Variants in XRN2 observed in about 807,000 individuals in gnomAD.
XRN2 encodes DHM1-like protein.
A neutral mutation model predicts 138.5 loss-of-function variants in XRN2; 44 were observed. That is an observed-to-expected ratio of 0.32 (90% CI 0.25 to 0.41). XRN2 has a LOEUF of 0.41. Ranked by LOEUF, XRN2 falls within the 10% of genes least tolerant of loss-of-function variation. The pLI, the probability that XRN2 is intolerant of heterozygous loss-of-function variation, is 1.00. For synonymous variants in XRN2, 354 were observed against 369.4 expected, an observed-to-expected ratio of 0.96 and a Z score of 0.48; for missense variants, 937 against 1,169.3, an observed-to-expected ratio of 0.80 and a Z score of 2.90.
intron 17 of XRN2, 41 bp from the exon 18 acceptor site, chr20:21,348,105 A>T (rs375728101): frequency 1.3e-6 from 2 of 1,550,964 alleles, no homozygotes; most frequent in African/African-American, 2.8e-5. Flanking sequence ...CATCATTAAC[A>T]TAGGTTTTTG....
chr20:21,315,546 G>T (rs1262715970), intron 1 of XRN2, among the ~76,000 whole-genome samples: 1 of 152,094 alleles, frequency 6.6e-6, no homozygotes, highest in Non-Finnish European at 1.5e-5. Flanking sequence ...GGGCTGGAGG[G>T]CAGTGGCACA....
intron 24 of XRN2, among the ~76,000 whole-genome samples, chr20:21,364,246 T>A (rs939258951): frequency 1.1e-4 from 16 of 152,160 alleles, no homozygotes; most frequent in Admixed American, 8.5e-4. Flanking sequence ...AAGGACTAGT[T>A]TTTTTAACCA....
At chr20:21,329,108 C>T (rs923482417) in intron 4 of XRN2, among the ~76,000 whole-genome samples, 15 of 152,038 alleles carry the variant, frequency 9.9e-5, no homozygotes, top group Admixed American at 9.2e-4. Flanking sequence ...CTGAGGAAGC[C>T]GGAGGTGATT....
At chr20:21,312,297 T>A (rs914056453) in intron 1 of XRN2, among the ~76,000 whole-genome samples, 1 of 151,046 alleles carries the variant, frequency 6.6e-6, no homozygotes, top group African/African-American at 2.4e-5. Context: ...TATTTATTTA[T>A]TTTTTTTTAG....
intron 15 of XRN2, among the ~76,000 whole-genome samples, chr20:21,342,615 T>C (rs2038386423): frequency 6.6e-6 from 1 of 152,234 alleles, no homozygotes; most frequent in African/African-American, 2.4e-5. Context: ...TTAATACAAA[T>C]GGATTAGTGT....
chr20:21,305,548 G>A (rs1277027435), intron 1 of XRN2, among the ~76,000 whole-genome samples: 1 of 38,260 alleles, frequency 2.6e-5, no homozygotes, highest in African/African-American at 5.4e-5. Flanking sequence ...GCCACCATAC[G>A]TGGCCTTTTT....
At chr20:21,384,793 A>G (rs7275161) in intron 28 of XRN2, among the ~76,000 whole-genome samples, 6 of 152,104 alleles carry the variant, frequency 3.9e-5, no homozygotes, top group Non-Finnish European at 5.9e-5. Flanking sequence ...TGCCTGGCCT[A>G]ATTGCTAATT....
intron 29 of XRN2, 113 bp from the exon 30 acceptor site, chr20:21,389,160 C>T (rs2038963935): frequency 9.5e-6 from 9 of 947,004 alleles, no homozygotes; most frequent in South Asian, 8.7e-5. Flanking sequence ...TGTGCTGTAC[C>T]TTTAACACAT....
rs371436585 is a variant in XRN2, at chr20:21,348,406, A to G, written c.1839A>G (p.Ser613=). 14 of 1,614,026 alleles carry G rather than the reference A, an allele frequency of 8.7e-6. No homozygotes were observed. The highest frequency in any genetic ancestry group is 8.3e-5 in the Admixed American group (5 of 60,006). The stretch of plus-strand genomic sequence containing the variant: ...CAAGTGGTAATTTTCTACCTCCATC[A>G]TGGCGGAAGCTCATGAGTGATCCTG... The part of the protein sequence containing the change: ...PAASGNFLPP[S]WRKLMSDPDS... Residue 613 remains serine (S), a synonymous_variant, in exon 19 of 30, where the codon TCA becomes TCG. Coordinates refer to ENST00000377191, the MANE Select transcript of XRN2 (RefSeq NM_012255.5).
chr20:21,341,693 G>A (rs2038374169), intron 15 of XRN2, among the ~76,000 whole-genome samples: 1 of 152,150 alleles, frequency 6.6e-6, no homozygotes, highest in Non-Finnish European at 1.5e-5. Flanking sequence ...GAATAAGCTT[G>A]GATATTTAAT....
intron 15 of XRN2, among the ~76,000 whole-genome samples, chr20:21,341,294 C>T (rs2038369227): frequency 6.6e-6 from 1 of 152,144 alleles, no homozygotes; most frequent in Non-Finnish European, 1.5e-5. Flanking sequence ...CCCTTATTTC[C>T]CCTTTCCTTC....
Position 21,305,700 on chromosome 20 carries a change from C to T in XRN2, c.75+2227C>T, listed in dbSNP as rs1246637767. On this transcript the variant is annotated intron_variant, in intron 1 of 29. Transcript: ENST00000377191. ...TACAGGTGTGAGCCACGGCGCCCGG[C>T]CCATCTTTCTTCCTTTAAATCGTTT... 5.7e-5 allele frequency among the ~76,000 whole-genome samples: 4 copies of T among 70,082 alleles called. 2 individuals are homozygous for T. In the East Asian group the frequency reaches 2.9e-3, roughly 50 times the overall value. The allele number at this position is 70,082 out of a possible 152,430, so 46.0% of individuals were successfully genotyped here.
At chr20:21,364,063 C>T (rs2038667181) in intron 24 of XRN2, among the ~76,000 whole-genome samples, 1 of 152,132 alleles carries the variant, frequency 6.6e-6, no homozygotes, top group Non-Finnish European at 1.5e-5. Flanking sequence ...TCCCGAGTAG[C>T]TGGGACTACA....
At chr20:21,373,809 T>G (rs953528480) in intron 27 of XRN2, among the ~76,000 whole-genome samples, 1 of 152,180 alleles carries the variant, frequency 6.6e-6, no homozygotes, top group Non-Finnish European at 1.5e-5. Context: ...GTTTGTGTGG[T>G]TTTTTTAAAT....
chr20:21,319,471 A>G (rs1251614364), intron 1 of XRN2, among the ~76,000 whole-genome samples: 6 of 151,998 alleles, frequency 3.9e-5, no homozygotes, highest in Admixed American at 6.5e-5. Flanking sequence ...TTTCTTTTGC[A>G]ATGAGAGGAT....
At chr20:21,371,137 C>T (rs1012422272) in intron 27 of XRN2, among the ~76,000 whole-genome samples, 9 of 152,162 alleles carry the variant, frequency 5.9e-5, no homozygotes, top group African/African-American at 2.2e-4. Context: ...TATGAAAGAA[C>T]GTGCCAGGTT....
In XRN2 at chr20:21,356,099, A is replaced by C; in HGVS notation, c.2040A>C (p.Gly680=). ...TPEETRRNSL[G]GDVLFVGKHH... ...CCCTAGCCAGAAGAAACAGCCTTGG[A>C]GGTGATGTCTTATTTGTGGGGAAAC... The change falls in exon 22 of 30, where the codon GGA becomes GGC. Residue 680 remains glycine (G), a synonymous_variant. Transcript: ENST00000377191. The C allele has an allele frequency of 6.2e-7, 1 of 1,612,438 alleles. No individual in the cohort carries two copies. Among genetic ancestry groups the C allele is most frequent in the Non-Finnish European group, 8.5e-7 (1 of 1,179,060 alleles).
At chr20:21,322,754 G>A (rs1227693659) in intron 1 of XRN2, among the ~76,000 whole-genome samples, 1 of 151,992 alleles carries the variant, frequency 6.6e-6, no homozygotes, top group African/African-American at 2.4e-5. Flanking sequence ...TCTTTATCTT[G>A]ATTTCTTGGC....
rs2038254145 is a variant in XRN2 at position 21,334,118 on chromosome 20, T to G, written c.1166T>G (p.Val389Gly). The G allele has an allele frequency of 6.2e-7, 1 of 1,613,906 alleles. No individual in the cohort carries two copies. ...AGTGGTTATGTCAATCTGCAAAGAG[T>G]ACAGATGATCATGTTAGCAGTTGGT... The part of the protein sequence containing the change: ...TESGYVNLQR[V>G]QMIMLAVGEV... The change falls in exon 13 of 30, where the codon GTA becomes GGA. Residue 389 changes from valine to glycine, a missense_variant. Around this residue, in one of 6 missense-constraint regions of XRN2, gnomAD observed 471 missense variants for 581.2 expected, o/e 0.81. Transcript: ENST00000377191.
Sources: allele counts gnomAD v4.1 joint callset (sites outside exome capture counted in the v4.1 genomes callset), GRCh38; gene constraint gnomAD v4.1.1; regional missense constraint gnomAD v4.1.1; transcripts MANE v1.5; gene names NCBI Gene and HGNC (gene_info 2026-07-23, HGNC 2026-07-21).